Variants in BAALC observed in about 807,000 individuals in gnomAD.
The protein encoded by BAALC is BAALC binder of MAP3K1 and KLF4.
BAALC carries 9 observed loss-of-function variants against 15.5 expected under a neutral mutation model. The ratio of observed to expected loss-of-function variants is 0.58; its 90% CI spans 0.35 to 1.02. The LOEUF (loss-of-function observed/expected upper bound fraction) is 1.02. Ranked by LOEUF, BAALC falls within the 50% of genes least tolerant of loss-of-function variation. The pLI is 0.02. For synonymous variants in BAALC, 80 were observed against 74.6 expected, an observed-to-expected ratio of 1.07 and a Z score of -0.37; for missense variants, 201 against 192.4, an observed-to-expected ratio of 1.04 and a Z score of -0.27.
chr8:103,146,466 C>T (rs562070452), intron 1 of BAALC, among the ~76,000 whole-genome samples: 3 of 152,298 alleles, frequency 2.0e-5, no homozygotes, highest in South Asian at 2.1e-4. Context: ...TGTCTGCTTC[C>T]GTCAAGGATG....
At chr8:103,176,072 G>A (rs1036888440) in intron 1 of BAALC, among the ~76,000 whole-genome samples, 3 of 152,060 alleles carry the variant, frequency 2.0e-5, no homozygotes, top group African/African-American at 7.2e-5. Flanking sequence ...GGAATTCACT[G>A]GCCAGCAAAA....
intron 1 of BAALC, among the ~76,000 whole-genome samples, chr8:103,150,290 G>A (rs370105362): frequency 3.3e-5 from 5 of 152,038 alleles, no homozygotes; most frequent in African/African-American, 1.2e-4. Flanking sequence ...ATAAGATTTG[G>A]GTGGGGACAC....
chr8:103,208,864 CTG>C (rs1156494764), intron 1 of BAALC, among the ~76,000 whole-genome samples: 1 of 152,100 alleles, frequency 6.6e-6, no homozygotes, highest in Non-Finnish European at 1.5e-5. Context: ...GAGAAGGGAG[CTG>C]TGTTTCATGT....
chr8:103,188,851 T>C (rs1811903421), intron 1 of BAALC, among the ~76,000 whole-genome samples: 1 of 152,252 alleles, frequency 6.6e-6, no homozygotes, highest in Non-Finnish European at 1.5e-5. Context: ...CTCTAATTGC[T>C]TGTAAAATCT....
chr8:103,165,073 T>C (rs575756194), intron 1 of BAALC, among the ~76,000 whole-genome samples: 1 of 152,220 alleles, frequency 6.6e-6, no homozygotes. Flanking sequence ...TCCATGGACA[T>C]CCAGCTGTGT....
intron 2 of BAALC, among the ~76,000 whole-genome samples, chr8:103,222,771 A>G (rs1314742537): frequency 6.6e-6 from 1 of 152,210 alleles, no homozygotes; most frequent in Non-Finnish European, 1.5e-5. Context: ...TGGGAGTTAC[A>G]GAACTTTAGT....
intron 1 of BAALC, among the ~76,000 whole-genome samples, chr8:103,163,015 AT>A (rs1811263592): frequency 6.6e-6 from 1 of 152,124 alleles, no homozygotes. Flanking sequence ...TGAAACTCTT[AT>A]CACAAAGAGT....
intron 1 of BAALC, among the ~76,000 whole-genome samples, chr8:103,168,999 C>T (rs1049148886): frequency 6.6e-6 from 1 of 152,076 alleles, no homozygotes; most frequent in Non-Finnish European, 1.5e-5. Flanking sequence ...GATTCTCAAT[C>T]CTTAGTATGA....
At chr8:103,161,062 T>C (rs1009830549) in intron 1 of BAALC, among the ~76,000 whole-genome samples, 1 of 152,166 alleles carries the variant, frequency 6.6e-6, no homozygotes, top group African/African-American at 2.4e-5. Context: ...GACAGGTAGG[T>C]TCATTTGTTT....
intron 1 of BAALC, chr8:103,200,688 C>T: frequency 1.4e-6 from 1 of 699,856 alleles, no homozygotes. Context: ...AAGATCAAGG[C>T]ACCAACAGAT....
chr8:103,198,850 G>T (rs1812152078), intron 1 of BAALC, among the ~76,000 whole-genome samples: 1 of 152,200 alleles, frequency 6.6e-6, no homozygotes. Flanking sequence ...GACGGAGCTT[G>T]CAGTGAGCCG....
intron 1 of BAALC, among the ~76,000 whole-genome samples, chr8:103,185,431 T>C (rs1811813210): frequency 6.6e-6 from 1 of 152,256 alleles, no homozygotes; most frequent in South Asian, 2.1e-4. Flanking sequence ...ATCCCTATAA[T>C]AGTTTGAAGT....
At chr8:103,175,440 A>T (rs971222854) in intron 1 of BAALC, among the ~76,000 whole-genome samples, 1 of 152,212 alleles carries the variant, frequency 6.6e-6, no homozygotes, top group Non-Finnish European at 1.5e-5. Flanking sequence ...TCCTTCTGTG[A>T]GGTTCCTGAC....
At chr8:103,172,406 T>C (rs182953889) in intron 1 of BAALC, among the ~76,000 whole-genome samples, 5,009 of 147,498 alleles carry the variant, frequency 0.034, 92 homozygotes, top group Middle Eastern at 0.059. Flanking sequence ...TTTTTTTTTT[T>C]TTTTTTTTGA....
chr8:103,208,769 G>C lies in BAALC; in HGVS notation c.161-4150G>C, dbSNP rs376204822. ...CCCTGGGATATATTCCCTGCTGCCT[G>C]CTCTTGATCCTGGTGCGTAAGGCCT... On this transcript the variant is annotated intron_variant, in intron 1 of 2. Coordinates refer to ENST00000309982, the MANE Select transcript of BAALC (RefSeq NM_024812.3). Among the ~76,000 whole-genome samples, 10 of 152,262 alleles carry C rather than the reference G, an allele frequency of 6.6e-5. No homozygotes were observed. The East Asian group carries it at 1.9e-3, about 29-fold the overall frequency.
rs563123328 is a variant in BAALC, at chr8:103,227,861, TG to T, written c.328-127del. ...AGATCACAAATGTTCCTGTGATTTA[TG>T]TTCCTTTTTCCCAGGCACATTCTCA... On this transcript the variant is annotated intron_variant, in intron 2 of 2. Transcript: ENST00000309982. 500 of 649,166 alleles carry T rather than the reference TG, an allele frequency of 7.7e-4. 4 individuals are homozygous for T. In the African/African-American group the frequency reaches 8.3e-3, roughly 11 times the overall value. 40.2% of individuals were successfully genotyped at this position (649,166 alleles called of 1,614,324 possible).
At chr8:103,198,192 A>G in intron 1 of BAALC, 2 of 698,128 alleles carry the variant, frequency 2.9e-6, no homozygotes, top group Non-Finnish European at 5.2e-6. Flanking sequence ...TTTGTAAAAT[A>G]GGCATTGCAA....
intron 1 of BAALC, among the ~76,000 whole-genome samples, chr8:103,200,344 A>T (rs986058321): frequency 3.3e-5 from 5 of 152,230 alleles, no homozygotes; most frequent in Non-Finnish European, 5.9e-5. Flanking sequence ...CAATCCCATT[A>T]CTAGGTATAT....
chr8:103,194,725 T>C (rs1812053223), intron 1 of BAALC, among the ~76,000 whole-genome samples: 1 of 152,138 alleles, frequency 6.6e-6, no homozygotes, highest in African/African-American at 2.4e-5. Context: ...GGTTCAGTGT[T>C]TGGGGAAGAC....
Sources: gnomAD v4.1 joint callset for allele counts (sites outside exome capture counted in the v4.1 genomes callset) on GRCh38, gnomAD v4.1.1 for gene constraint, MANE v1.5 for transcripts, NCBI Gene and HGNC (gene_info 2026-07-23, HGNC 2026-07-21) for gene names.